SERPINA7: variants seen among roughly 807,000 people sequenced by gnomAD.
SERPINA7 encodes the protein serpin family A member 7.
In SERPINA7, 14 loss-of-function variants were observed where a neutral mutation model predicts 16.0. The observed-to-expected ratio is 0.88, with a 90% CI of 0.58 to 1.37. SERPINA7 has a LOEUF of 1.37. Among genes scored for constraint, SERPINA7 ranks in the 40% most tolerant of loss-of-function variants. SERPINA7 has a pLI of 0.00. For synonymous variants in SERPINA7, 140 were observed against 111.0 expected, an observed-to-expected ratio of 1.26 and a Z score of -1.65; for missense variants, 335 against 296.6, an observed-to-expected ratio of 1.13 and a Z score of -0.95.
chrX:106,036,968 G>C lies in SERPINA7; in HGVS notation c.91C>G (p.His31Asp). 8.3e-7 allele frequency: 1 copy of C among 1,210,930 alleles called. No individual in the cohort carries two copies. Among genetic ancestry groups the C allele is most frequent in the Non-Finnish European group, 1.1e-6 (1 of 894,891 alleles). Residue 31 changes from histidine (H) to aspartate (D), a missense_variant, in exon 2 of 5, where the codon CAT becomes GAT. His to Asp is a moderately conservative substitution (Grantham distance 81, BLOSUM62 -1). Transcript: ENST00000372563. ...AGAGTGGCATTTGGTTGGGATGAAT[G>C]GCAGGCTGTTACTTTGCCTTCAGGT... ...ASPEGKVTAC[H>D]SSQPNATLYK...
At chrX:106,035,729 G>A (rs2041444403) in intron 2 of SERPINA7, among the ~76,000 whole-genome samples, 1 of 112,245 alleles carries the variant, frequency 8.9e-6, no homozygotes, top group African/African-American at 3.2e-5. Context: ...AAACAGATCT[G>A]TTCTGCAATT....
chrX:106,034,358 C>T lies in SERPINA7; in HGVS notation c.921G>A (p.Lys307=), dbSNP rs758192874. ...GGTCATATGTGGCAGAAATGGAAAACTTTGGAACAAACAAGTCAACCCATC... is the reference window on the plus strand; with the variant it reads ...GGTCATATGTGGCAGAAATGGAAAATTTTGGAACAAACAAGTCAACCCATC... ...QKGWVDLFVP[K]FSISATYDLG... The change falls in exon 4 of 5, where the codon AAG becomes AAA. Residue 307 remains lysine, a synonymous_variant. Coordinates refer to ENST00000372563, the MANE Select transcript of SERPINA7 (RefSeq NM_000354.6). 3 of 1,208,716 alleles carry T rather than the reference C, an allele frequency of 2.5e-6. No individual in the cohort carries two copies. The highest frequency in any genetic ancestry group is 2.2e-6 in the Non-Finnish European group (2 of 892,897).
At chrX:106,034,124 C>T in intron 4 of SERPINA7, 111 bp downstream of exon 4, 1 of 759,492 alleles carries the variant, frequency 1.3e-6, no homozygotes, top group Non-Finnish European at 2.0e-6. Context: ...AGGAGTCACA[C>T]CGCCTCTCTA....
chrX:106,033,499 AC>A lies in SERPINA7; in HGVS notation c.1248del (p.Ter416TyrfsTer18). Reference protein sequence around the residue: ...LGKVVNPTEA* With the variant: ...LGKVVNPTEAX ...CAATTAGCCAATGGCCTTTTTCCCAACTACGCTTCCGTTGGGTTCACAACTT... is the reference window on the plus strand; with the variant it reads ...CAATTAGCCAATGGCCTTTTTCCCAATACGCTTCCGTTGGGTTCACAACTT... On this transcript the variant is annotated frameshift_variant and stop_lost, in exon 5 of 5. Coordinates refer to ENST00000372563, the MANE Select transcript of SERPINA7 (RefSeq NM_000354.6). LOFTEE classifies it high-confidence loss of function. The A allele has an allele frequency of 8.3e-7, 1 of 1,211,200 alleles. No individual in the cohort carries two copies. The highest frequency in any genetic ancestry group is 1.1e-6 in the Non-Finnish European group (1 of 895,008).
Position 106,033,437 on chromosome X carries a change from A to C in SERPINA7, c.*63T>G. 1 of 1,116,933 alleles carries C rather than the reference A, an allele frequency of 9.0e-7. No homozygotes were observed. Among genetic ancestry groups the C allele is most frequent in the Non-Finnish European group, 1.2e-6 (1 of 810,009 alleles). 92.0% of individuals were successfully genotyped at this position (1,116,933 alleles called of 1,213,427 possible). A position where few individuals can be genotyped will look rare whatever the true frequency, so the allele number is the denominator to read the frequency against. ...AAGCTCACATCAATCACACCAGGCT[A>C]TATTATTTATTTATTTCCCATTGCA... On this transcript the variant is annotated 3_prime_UTR_variant, in exon 5 of 5. Transcript: ENST00000372563.
rs1324150304 is a variant in SERPINA7 at position 106,033,392 on chromosome X, T to G, written c.*108A>C. 1.0e-6 allele frequency: 1 copy of G among 975,422 alleles called. No individual in the cohort carries two copies. Among genetic ancestry groups the G allele is most frequent in the African/African-American group, 1.9e-5 (1 of 52,572 alleles). 80.4% of individuals were successfully genotyped at this position (975,422 alleles called of 1,213,427 possible). A position where few individuals can be genotyped will look rare whatever the true frequency, so the allele number is the denominator to read the frequency against. On this transcript the variant is annotated 3_prime_UTR_variant, in exon 5 of 5. Coordinates refer to ENST00000372563, the MANE Select transcript of SERPINA7 (RefSeq NM_000354.6). ...CAGCCAGGGTTCAATCTTCATCCCA[T>G]CATAAGGGAATGCAAGTCCAAGCTC...
chrX:106,032,477 A>G lies in SERPINA7; in HGVS notation c.*1023T>C, dbSNP rs2041415137. On this transcript the variant is annotated 3_prime_UTR_variant, in exon 5 of 5. Transcript: ENST00000372563. ...ATATTTATTTCAATATGGAAGTACA[A>G]CATCTGCAACAGTACTTATGCATTT... 8.9e-6 allele frequency: 1 copy of G among 112,415 alleles called. No homozygotes were observed. Among genetic ancestry groups the G allele is most frequent in the African/African-American group, 3.2e-5 (1 of 30,941 alleles). The allele number at this position is 112,415 out of a possible 1,213,427, so 9.3% of individuals were successfully genotyped here.
intron 1 of SERPINA7, among the ~76,000 whole-genome samples, chrX:106,037,757 T>C (rs2041463050): frequency 8.9e-6 from 1 of 111,890 alleles, no homozygotes; most frequent in Admixed American, 9.5e-5. Flanking sequence ...TTAATCTTAG[T>C]AACATCTAAA....
At position 106,033,169 on chromosome X, in the gene SERPINA7, T is replaced by A; in HGVS notation, c.*331A>T. ...GGATACGAAGACCTGACCTGCTTTT[T>A]AGCTATTCCCCAGAAGACAGAAAAG... is the stretch of plus-strand genomic sequence containing the variant. On this transcript the variant is annotated 3_prime_UTR_variant, in exon 5 of 5. Transcript: ENST00000372563. The A allele has an allele frequency of 3.5e-6, 1 of 288,745 alleles. No individual in the cohort carries two copies. Among genetic ancestry groups the A allele is most frequent in the Non-Finnish European group, 6.2e-6 (1 of 160,023 alleles). The allele number at this position is 288,745 out of a possible 1,213,427, so 23.8% of individuals were successfully genotyped here.
intron 4 of SERPINA7, 45 bp from the exon 5 acceptor site, chrX:106,033,748 A>G: frequency 8.3e-7 from 1 of 1,211,019 alleles, no homozygotes; most frequent in Non-Finnish European, 1.1e-6. Context: ...AGAAACAGGA[A>G]CAGTCTTTGG....
chrX:106,036,184 G>A (rs895925918), intron 2 of SERPINA7, among the ~76,000 whole-genome samples: 5 of 111,981 alleles, frequency 4.5e-5, no homozygotes, highest in Non-Finnish European at 9.4e-5. Context: ...AGCCAATTAT[G>A]AGCAAGATGT....
chrX:106,033,809 TA>T, intron 4 of SERPINA7, 106 bp from the exon 5 acceptor site: 1 of 1,175,308 alleles, frequency 8.5e-7, no homozygotes, highest in Non-Finnish European at 1.2e-6. Context: ...GCCCCTTTGC[TA>T]TACTATGTTG....
chrX:106,036,354 G>A, intron 2 of SERPINA7, 83 bp downstream of exon 2: 1 of 1,037,630 alleles, frequency 9.6e-7, no homozygotes, highest in Non-Finnish European at 1.3e-6. Context: ...ACTGATGCCA[G>A]TAATAAGAGA....
chrX:106,032,768 A>T lies in SERPINA7; in HGVS notation c.*732T>A, dbSNP rs2041417384. ...CTTAAACAAGTGGGACAGGGGTGCTATATATGGAAAGGAGTCTGATTGGGA... is the reference window on the plus strand; with the variant it reads ...CTTAAACAAGTGGGACAGGGGTGCTTTATATGGAAAGGAGTCTGATTGGGA... On this transcript the variant is annotated 3_prime_UTR_variant, in exon 5 of 5. Transcript: ENST00000372563. The T allele has an allele frequency of 9.0e-6, 1 of 111,647 alleles. No individual in the cohort carries two copies. The highest frequency in any genetic ancestry group is 3.3e-5 in the African/African-American group (1 of 30,623). The allele number at this position is 111,647 out of a possible 1,213,427, so 9.2% of individuals were successfully genotyped here.
At chrX:106,037,396 T>A (rs761201828) in intron 1 of SERPINA7, 37 of 231,974 alleles carry the variant, frequency 1.6e-4, no homozygotes, top group African/African-American at 8.9e-4. Flanking sequence ...TTTTCTGAAC[T>A]AGAGGCAGCC....
chrX:106,036,930 T>A lies in SERPINA7; in HGVS notation c.129A>T (p.Ser43=), dbSNP rs753472399. 76 of 1,209,623 alleles carry A rather than the reference T, an allele frequency of 6.3e-5. No individual in the cohort carries two copies. Among genetic ancestry groups the A allele is most frequent in the Non-Finnish European group, 8.0e-5 (72 of 895,030 alleles). ...SQPNATLYKM[S]SINADFAFNL... ...TGAATGCAAAGTCAGCATTAATGGA[T>A]GACATCTTGTAGAGAGTGGCATTTG... The change falls in exon 2 of 5, where the codon TCA becomes TCT. Residue 43 remains serine (S), a synonymous_variant. Coordinates refer to ENST00000372563, the MANE Select transcript of SERPINA7 (RefSeq NM_000354.6).
At position 106,033,569 on chromosome X, in the gene SERPINA7, C is replaced by T. The variant is rs766120392; in HGVS notation, c.1179G>A (p.Leu393=). ...TCCTTGTGCTTCTCTCCAAAATCAA[C>T]AACATGAAAGATCTATCAATTTGGA... ...PIIQIDRSFM[L]LILERSTRSI... The change falls in exon 5 of 5, where the codon TTG becomes TTA. Residue 393 remains leucine, a synonymous_variant. Coordinates refer to ENST00000372563, the MANE Select transcript of SERPINA7 (RefSeq NM_000354.6). The T allele has an allele frequency of 8.3e-7, 1 of 1,211,065 alleles. No homozygotes were observed. Among genetic ancestry groups the T allele is most frequent in the Non-Finnish European group, 1.1e-6 (1 of 894,870 alleles).
At chrX:106,037,870 T>G (rs1290568505) in intron 1 of SERPINA7, among the ~76,000 whole-genome samples, 1 of 111,459 alleles carries the variant, frequency 9.0e-6, no homozygotes, top group Non-Finnish European at 1.9e-5. Flanking sequence ...AGGTGTAAGG[T>G]TCTCTGATCC....
chrX:106,035,991 C>G (rs755626849), intron 2 of SERPINA7, among the ~76,000 whole-genome samples: 2 of 112,173 alleles, frequency 1.8e-5, no homozygotes, highest in East Asian at 5.7e-4. Flanking sequence ...TGTGTGTATA[C>G]CACACATGTC....
Sources: gnomAD v4.1 joint callset for allele counts (sites outside exome capture counted in the v4.1 genomes callset) on GRCh38, gnomAD v4.1.1 for gene constraint, MANE v1.5 for transcripts, NCBI Gene and HGNC (gene_info 2026-07-23, HGNC 2026-07-21) for gene names.